ICA1L: variants seen among roughly 807,000 people sequenced by gnomAD.
The protein encoded by ICA1L is islet cell autoantigen 1-like protein.
ICA1L carries 50 observed loss-of-function variants against 61.3 expected under a neutral mutation model. That is an observed-to-expected ratio of 0.82 (90% CI 0.65 to 1.03). The LOEUF (loss-of-function observed/expected upper bound fraction) is 1.03. Among genes scored for constraint, ICA1L ranks in the 50% least tolerant of loss-of-function variants. ICA1L has a pLI of 0.00. For synonymous variants in ICA1L, 161 were observed against 191.3 expected, an observed-to-expected ratio of 0.84 and a Z score of 1.31; for missense variants, 508 against 556.7, an observed-to-expected ratio of 0.91 and a Z score of 0.88.
intron 5 of ICA1L, among the ~76,000 whole-genome samples, chr2:202,819,015 G>A (rs530228724): frequency 3.9e-5 from 6 of 152,332 alleles, no homozygotes; most frequent in African/African-American, 1.2e-4. Context: ...GATGGAATAC[G>A]AGGTAGTTGT....
At chr2:202,856,736 C>A (rs1334749316) in intron 1 of ICA1L, among the ~76,000 whole-genome samples, 1 of 152,212 alleles carries the variant, frequency 6.6e-6, no homozygotes, top group African/African-American at 2.4e-5. Context: ...AAAACCCCAT[C>A]ATCTCAGCCC....
intron 1 of ICA1L, among the ~76,000 whole-genome samples, chr2:202,832,998 T>TA (rs1252813355): frequency 6.6e-6 from 1 of 151,464 alleles, no homozygotes; most frequent in Non-Finnish European, 1.5e-5. Flanking sequence ...ACAGATCCAA[T>TA]AAGCTAAATG....
intron 1 of ICA1L, among the ~76,000 whole-genome samples, chr2:202,868,996 C>T (rs190144472): frequency 6.6e-6 from 1 of 151,424 alleles, no homozygotes; most frequent in Non-Finnish European, 1.5e-5. Flanking sequence ...ACAACAACAA[C>T]AAAAAACATT....
intron 1 of ICA1L, among the ~76,000 whole-genome samples, chr2:202,866,289 G>C (rs997790728): frequency 1.3e-5 from 2 of 152,014 alleles, no homozygotes; most frequent in Non-Finnish European, 2.9e-5. Context: ...ACAGAGTTCG[G>C]CCCCCTTCCC....
Position 202,814,782 on chromosome 2 carries a change from T to C in ICA1L, c.786A>G (p.Gln262=), listed in dbSNP as rs1243810097. 1 of 1,607,836 alleles carries C rather than the reference T, an allele frequency of 6.2e-7. No homozygotes were observed. The highest frequency in any genetic ancestry group is 1.3e-5 in the African/African-American group (1 of 74,784). ...TAATCTTGCTTGGCGTGTCTTGTAG[T>C]TGCTAAAGATAAGAAAGTCAATGTT... is the stretch of plus-strand genomic sequence containing the variant. ...FHPYDFVALK[Q]LQDTPSKISE... The change falls in exon 8 of 13, where the codon CAA becomes CAG. Residue 262 remains glutamine, a splice_region_variant and synonymous_variant. Transcript: ENST00000358299.
At chr2:202,822,624 C>G (rs1192055727) in intron 3 of ICA1L, among the ~76,000 whole-genome samples, 1 of 152,062 alleles carries the variant, frequency 6.6e-6, no homozygotes, top group Non-Finnish European at 1.5e-5. Flanking sequence ...GGGGGAAAGC[C>G]CACAGTGCTC....
chr2:202,797,132 T>TTGTGTGTGTGTGTGTGTG lies in ICA1L; in HGVS notation c.911-186_911-169dup, dbSNP rs58006631. On this transcript the variant is annotated intron_variant, in intron 9 of 12. Transcript: ENST00000358299. ...ATAATCTTATATATAAAAATCACATTTGTGTGTGTGTGTGTGTGTGTGTGT... is the reference window on the plus strand; with the variant it reads ...ATAATCTTATATATAAAAATCACATTTGTGTGTGTGTGTGTGTGTGTGTGTGTGTGTGTGTGTGTGTGT... Among the ~76,000 whole-genome samples, 1,004 of 147,802 alleles carry TTGTGTGTGTGTGTGTGTG rather than the reference T, an allele frequency of 6.8e-3. 12 individuals carry two copies. The highest frequency in any genetic ancestry group is 0.021 in the Middle Eastern group (6 of 292).
In ICA1L at chr2:202,773,964, G is replaced by T; in HGVS notation, c.*5569C>A. The T allele has an allele frequency of 9.5e-7, 1 of 1,048,536 alleles. No homozygotes were observed. The highest frequency in any genetic ancestry group is 1.4e-6 in the Non-Finnish European group (1 of 703,970). The allele number at this position is 1,048,536 out of a possible 1,614,324, so 65.0% of individuals were successfully genotyped here. On this transcript the variant is annotated 3_prime_UTR_variant, in exon 13 of 13. Coordinates refer to ENST00000358299, the MANE Select transcript of ICA1L (RefSeq NM_001288622.3). Reference sequence around the variant, plus strand: ...TCTCTTCCGCTTATTACTTGCCACTGTGTTTTAAAAGGTATATGGTACTAA... The same window carrying T: ...TCTCTTCCGCTTATTACTTGCCACTTTGTTTTAAAAGGTATATGGTACTAA...
intron 1 of ICA1L, among the ~76,000 whole-genome samples, chr2:202,861,133 G>A (rs1001562713): frequency 9.9e-5 from 15 of 152,160 alleles, no homozygotes; most frequent in Non-Finnish European, 1.8e-4. Flanking sequence ...GGGAGGCTGA[G>A]GCAGAATTGC....
intron 1 of ICA1L, among the ~76,000 whole-genome samples, chr2:202,836,694 C>T (rs1694156406): frequency 7.2e-6 from 1 of 138,390 alleles, no homozygotes; most frequent in South Asian, 2.5e-4. Flanking sequence ...TTGGTCTTTT[C>T]AAATTATCAA....
intron 1 of ICA1L, among the ~76,000 whole-genome samples, chr2:202,837,209 T>A (rs1423823858): frequency 6.6e-6 from 1 of 152,054 alleles, no homozygotes; most frequent in Non-Finnish European, 1.5e-5. Flanking sequence ...AATGTCTCCC[T>A]CTTTCATTTC....
intron 7 of ICA1L, 80 bp downstream of exon 7, chr2:202,815,831 T>TA (rs374333116): frequency 0.02 from 13,929 of 688,640 alleles, no homozygotes; most frequent in Non-Finnish European, 0.023. Context: ...TAACCTTGGT[T>TA]AAAAAAAAAA....
At chr2:202,836,806 G>GAT (rs1176153634) in intron 1 of ICA1L, among the ~76,000 whole-genome samples, 4 of 59,272 alleles carry the variant, frequency 6.7e-5, no homozygotes, top group African/African-American at 1.5e-4. Flanking sequence ...TATATATATA[G>GAT]ATATATATAG....
At position 202,814,778 on chromosome 2, in the gene ICA1L, G is replaced by A; in HGVS notation, c.790C>T (p.Gln264Ter). 1.2e-5 allele frequency: 20 copies of A among 1,610,852 alleles called. No individual in the cohort carries two copies. The highest frequency in any genetic ancestry group is 1.6e-5 in the Non-Finnish European group (19 of 1,177,504). The change falls in exon 8 of 13, where the codon CAA (glutamine) becomes TAA (stop). Residue 264 changes from glutamine (Q) to a stop codon, truncating the protein, a stop_gained. Coordinates refer to ENST00000358299, the MANE Select transcript of ICA1L (RefSeq NM_001288622.3). LOFTEE classifies it high-confidence loss of function. ...TCACTAATCTTGCTTGGCGTGTCTT[G>A]TAGTTGCTAAAGATAAGAAAGTCAA... is the stretch of plus-strand genomic sequence containing the variant. ...PYDFVALKQL[Q>*]DTPSKISEDN...
At chr2:202,837,861 T>C (rs1004060040) in intron 1 of ICA1L, among the ~76,000 whole-genome samples, 1 of 152,182 alleles carries the variant, frequency 6.6e-6, no homozygotes, top group Non-Finnish European at 1.5e-5. Context: ...AGATTTTATT[T>C]ATTTGTCTTG....
chr2:202,801,346 C>A (rs983775026), intron 9 of ICA1L, among the ~76,000 whole-genome samples: 1 of 152,110 alleles, frequency 6.6e-6, no homozygotes, highest in African/African-American at 2.4e-5. Flanking sequence ...TATTTTAATG[C>A]TACAGATGCA....
chr2:202,836,020 G>C (rs755150352), intron 1 of ICA1L, among the ~76,000 whole-genome samples: 17 of 152,194 alleles, frequency 1.1e-4, no homozygotes, highest in Non-Finnish European at 1.8e-4. Flanking sequence ...TCTTTCTCTT[G>C]CCTAATTATT....
At chr2:202,797,056 A>G (rs6704822) in intron 9 of ICA1L, 92 bp from the exon 10 acceptor site, 607,492 of 708,980 alleles carry the variant, frequency 0.86, 261,367 homozygotes, top group Middle Eastern at 0.92. Context: ...CAAGTGTTCA[A>G]TTGACCAAAT....
chr2:202,779,135 A>ATCTT lies in ICA1L; in HGVS notation c.*394_*397dup, dbSNP rs1692316389. 2 of 157,158 alleles carry ATCTT rather than the reference A, an allele frequency of 1.3e-5. No homozygotes were observed. Among genetic ancestry groups the ATCTT allele is most frequent in the African/African-American group, 4.9e-5 (2 of 41,028 alleles). 9.7% of individuals were successfully genotyped at this position (157,158 alleles called of 1,614,324 possible). On this transcript the variant is annotated 3_prime_UTR_variant, in exon 13 of 13. Transcript: ENST00000358299. ...AACCCAATTTACATGCTATCTATCT[A>ATCTT]TCTTTGTTATCCACATATAAAATTC...
Sources: allele counts gnomAD v4.1 joint callset (sites outside exome capture counted in the v4.1 genomes callset), GRCh38; gene constraint gnomAD v4.1.1; transcripts MANE v1.5; gene names NCBI Gene and HGNC (gene_info 2026-07-23, HGNC 2026-07-21).